Variants in EIF5A observed in about 807,000 individuals in gnomAD.
The protein encoded by EIF5A is eukaryotic translation initiation factor 5A-1.
Under a neutral mutation model 16.6 loss-of-function variants are expected in EIF5A, and 1 was observed. The observed-to-expected ratio is 0.06, with a 90% CI of 0.02 to 0.28. The LOEUF is 0.28. Ranked by LOEUF, EIF5A falls within the 10% of genes least tolerant of loss-of-function variation. EIF5A has a pLI of 1.00. For missense variants in EIF5A, 29 were observed against 196.1 expected (o/e 0.15, Z 5.09); for synonymous variants, 80 against 73.6 (o/e 1.09, Z -0.44).
At position 7,308,270 on chromosome 17, in the gene EIF5A, C is replaced by T. The variant is rs1010812311; in HGVS notation, c.-22+518C>T. The T allele has an allele frequency of 1.1e-4, 119 of 1,057,036 alleles. 1 individual carries two copies. The African/African-American group carries it at 1.7e-3, about 15-fold the overall frequency. The allele number at this position is 1,057,036 out of a possible 1,614,324, so 65.5% of individuals were successfully genotyped here. Reference sequence around the variant, plus strand: ...CCCCACGGGAGGCTGCCCTCGGGGTCGCAGGCCGCATGGCCAAGCGTGGAC... The same window carrying T: ...CCCCACGGGAGGCTGCCCTCGGGGTTGCAGGCCGCATGGCCAAGCGTGGAC... On this transcript the variant is annotated intron_variant, in intron 1 of 5. Transcript: ENST00000336458.
upstream of EIF5A, chr17:7,307,056 A>T (rs1352563883): frequency 1.9e-6 from 3 of 1,601,680 alleles, no homozygotes; most frequent in Non-Finnish European, 2.6e-6. Context: ...CATGTGTGGA[A>T]CTGGGGGGAC....
At chr17:7,310,819 C>T in intron 2 of EIF5A, 199 bp from the exon 3 acceptor site, 4 of 985,452 alleles carry the variant, frequency 4.1e-6, no homozygotes, top group Non-Finnish European at 4.8e-6. Context: ...ACCCCAATCT[C>T]AACGGTGGTT....
upstream of EIF5A, chr17:7,307,063 G>T (rs750128314): frequency 1.2e-6 from 2 of 1,603,164 alleles, no homozygotes; most frequent in Non-Finnish European, 1.7e-6. Flanking sequence ...GGAACTGGGG[G>T]GACTGATTCC....
intron 2 of EIF5A, chr17:7,310,381 C>A: frequency 8.4e-7 from 1 of 1,197,180 alleles, no homozygotes; most frequent in Non-Finnish European, 1.1e-6. Flanking sequence ...CTTGCTAGCA[C>A]TTCCCTCATC....
chr17:7,309,493 A>T (rs1022068109), intron 1 of EIF5A, 122 bp from the exon 2 acceptor site: 4 of 1,331,428 alleles, frequency 3.0e-6, no homozygotes, highest in Non-Finnish European at 4.1e-6. Context: ...AGGAACTTTG[A>T]CTTTATTTTA....
chr17:7,310,405 CCTGT>C, intron 2 of EIF5A: 2 of 1,184,112 alleles, frequency 1.7e-6, no homozygotes, highest in African/African-American at 1.6e-5. Flanking sequence ...TCAGACTTTT[CCTGT>C]CTCTTTAGAA....
At position 7,311,334 on chromosome 17, in the gene EIF5A, C is replaced by T. The variant is rs769157076; in HGVS notation, c.271-16C>T. ...TGGGCCTACTACCTTCAGCCTCCTTCCCTATCTGCCCCCAGCTGATTGGCA... is the reference window on the plus strand; with the variant it reads ...TGGGCCTACTACCTTCAGCCTCCTTTCCTATCTGCCCCCAGCTGATTGGCA... On this transcript the variant is annotated splice_polypyrimidine_tract_variant and intron_variant, in intron 3 of 5. Coordinates refer to ENST00000336458, the MANE Select transcript of EIF5A (RefSeq NM_001970.5). 4 of 1,613,898 alleles carry T rather than the reference C, an allele frequency of 2.5e-6. No homozygotes were observed. The highest frequency in any genetic ancestry group is 2.2e-5 in the East Asian group (1 of 44,898).
At chr17:7,309,171 G>A (rs1318251911) in intron 1 of EIF5A, among the ~76,000 whole-genome samples, 2 of 150,200 alleles carry the variant, frequency 1.3e-5, no homozygotes, top group African/African-American at 4.9e-5. Context: ...CTTGTCCTCC[G>A]GTCTCCACCC....
upstream of EIF5A, chr17:7,307,128 A>G (rs372335712): frequency 2.5e-6 from 4 of 1,587,684 alleles, no homozygotes; most frequent in African/African-American, 1.3e-5. Flanking sequence ...GAGTCGTTTA[A>G]GTCCAGTTAA....
upstream of EIF5A, chr17:7,307,006 T>G (rs746918051): frequency 3.2e-6 from 5 of 1,544,760 alleles, no homozygotes; most frequent in Non-Finnish European, 4.4e-6. Flanking sequence ...CCGACCACAC[T>G]AGCGCGCTAG....
upstream of EIF5A, chr17:7,307,177 G>T: frequency 6.7e-7 from 1 of 1,502,070 alleles, no homozygotes; most frequent in Non-Finnish European, 9.0e-7. Flanking sequence ...ATGCGTTCTA[G>T]ACGAGACAAG....
At position 7,307,660 on chromosome 17, in the gene EIF5A, C is replaced by CGGT; in HGVS notation, c.-113_-111dup. On this transcript the variant is annotated 5_prime_UTR_variant, in exon 1 of 6. Transcript: ENST00000336458. ...GACCCGTGTGCAGCAGCGGCGGCGG[C>CGGT]GGTAGAGGCGGCGGCGGCGGCGGCA... The CGGT allele has an allele frequency of 1.9e-6, 2 of 1,046,900 alleles. No individual in the cohort carries two copies. The highest frequency in any genetic ancestry group is 2.3e-6 in the Non-Finnish European group (2 of 870,556). 64.9% of individuals were successfully genotyped at this position (1,046,900 alleles called of 1,614,324 possible). A position where few individuals can be genotyped will look rare whatever the true frequency, so the allele number is the denominator to read the frequency against.
chr17:7,310,734 A>T (rs2072797269), intron 2 of EIF5A: 13 of 984,882 alleles, frequency 1.3e-5, no homozygotes, highest in Non-Finnish European at 1.6e-5. Context: ...ACTCCCCTAG[A>T]CTCTTAGCAT....
rs934171538 is a variant in EIF5A at position 7,307,664 on chromosome 17, A to G, written c.-110A>G. The G allele has an allele frequency of 5.8e-5, 61 of 1,048,772 alleles. No individual in the cohort carries two copies. The highest frequency in any genetic ancestry group is 1.5e-5 in the Non-Finnish European group (13 of 871,340). 65.0% of individuals were successfully genotyped at this position (1,048,772 alleles called of 1,614,324 possible). The stretch of plus-strand genomic sequence containing the variant: ...CGTGTGCAGCAGCGGCGGCGGCGGT[A>G]GAGGCGGCGGCGGCGGCGGCAGCGG... On this transcript the variant is annotated 5_prime_UTR_variant, in exon 1 of 6. Coordinates refer to ENST00000336458, the MANE Select transcript of EIF5A (RefSeq NM_001970.5).
intron 2 of EIF5A, 99 bp from the exon 3 acceptor site, chr17:7,310,919 T>C: frequency 2.0e-6 from 3 of 1,476,804 alleles, no homozygotes; most frequent in South Asian, 2.7e-5. Context: ...GCCCCAACAA[T>C]GTAATTCTGA....
rs764222766 is a variant in EIF5A, at chr17:7,309,794, C to T, written c.159C>T (p.His53=). The T allele has an allele frequency of 3.1e-6, 5 of 1,614,234 alleles. No individual in the cohort carries two copies. Among genetic ancestry groups the T allele is most frequent in the South Asian group, 2.2e-5 (2 of 91,090 alleles). The change falls in exon 2 of 6, where the codon CAC becomes CAT. Residue 53 remains histidine, a synonymous_variant. Coordinates refer to ENST00000336458, the MANE Select transcript of EIF5A (RefSeq NM_001970.5). ...MSTSKTGKHG[H]AKVHLVGIDI... is the part of the protein sequence containing the mutation. ...CTTCGAAGACTGGCAAGCACGGCCACGCCAAGGTTAGAATTTCACCTCCGC... is the reference window on the plus strand; with the variant it reads ...CTTCGAAGACTGGCAAGCACGGCCATGCCAAGGTTAGAATTTCACCTCCGC...
chr17:7,307,497 G>C, upstream of EIF5A: 1 of 1,034,270 alleles, frequency 9.7e-7, no homozygotes, highest in Non-Finnish European at 1.2e-6. Flanking sequence ...CGGGTCGGTG[G>C]GAGGGAGGGT....
At chr17:7,311,267 C>G in intron 3 of EIF5A, 83 bp from the exon 4 acceptor site, 1 of 1,606,014 alleles carries the variant, frequency 6.2e-7, no homozygotes, top group South Asian at 1.1e-5. Context: ...TGCTATCAGT[C>G]CAGTTTGTCT....
At chr17:7,308,714 T>G (rs2072715713) in intron 1 of EIF5A, 1 of 621,606 alleles carries the variant, frequency 1.6e-6, no homozygotes, top group African/African-American at 1.9e-5. Flanking sequence ...GTGATAGGCG[T>G]TCTTCACCTT....
Sources: allele counts gnomAD v4.1 joint callset (sites outside exome capture counted in the v4.1 genomes callset), GRCh38; gene constraint gnomAD v4.1.1; transcripts MANE v1.5; gene names NCBI Gene and HGNC (gene_info 2026-07-23, HGNC 2026-07-21).